Variants in SASH1 observed in about 807,000 individuals in gnomAD.
The protein encoded by SASH1 is SAM and SH3 domain-containing protein 1.
Under a neutral mutation model 125.2 loss-of-function variants are expected in SASH1, and 44 were observed. The ratio of observed to expected loss-of-function variants is 0.35; its 90% CI spans 0.28 to 0.45. The LOEUF (loss-of-function observed/expected upper bound fraction) is 0.45, where lower values mean the gene tolerates loss of function less well. Ranked by LOEUF, SASH1 falls within the 20% of genes least tolerant of loss-of-function variation. The pLI, the probability that SASH1 is intolerant of heterozygous loss-of-function variation, is 1.00. For missense variants in SASH1, 1,426 were observed against 1,614.5 expected (o/e 0.88, Z 2.00); for synonymous variants, 639 against 649.1 (o/e 0.98, Z 0.24).
intron 1 of SASH1, among the ~76,000 whole-genome samples, chr6:148,290,158 G>A (rs74301759): frequency 0.052 from 7,770 of 150,356 alleles, 419 homozygotes; most frequent in East Asian, 0.27. Flanking sequence ...GAGAGCCACC[G>A]TACCCAGCTT....
intron 2 of SASH1, among the ~76,000 whole-genome samples, chr6:148,430,776 C>A (rs1380996254): frequency 6.6e-6 from 1 of 152,182 alleles, no homozygotes; most frequent in African/African-American, 2.4e-5. Flanking sequence ...AGCAGGTTCC[C>A]AGGTGATGCT....
intron 2 of SASH1, among the ~76,000 whole-genome samples, chr6:148,393,092 G>A (rs1407098922): frequency 6.9e-6 from 1 of 145,350 alleles, no homozygotes; most frequent in East Asian, 2.0e-4. Flanking sequence ...TGTTGCCCAG[G>A]CTGGAGTGCA....
chr6:148,440,048 T>C, intron 2 of SASH1, 136 bp from the exon 3 acceptor site: 1 of 707,120 alleles, frequency 1.4e-6, no homozygotes, highest in South Asian at 1.8e-5. Flanking sequence ...AGAAAATCTG[T>C]TTATCTCTGC....
chr6:148,248,981 T>C, the SASH1 span, among the ~76,000 whole-genome samples: 1 of 152,224 alleles, frequency 6.6e-6, no homozygotes, highest in Admixed American at 6.5e-5. Context: ...TTTTACATAC[T>C]GAGAAAACAT....
At chr6:148,368,955 T>G (rs1782599878) in intron 1 of SASH1, among the ~76,000 whole-genome samples, 1 of 152,216 alleles carries the variant, frequency 6.6e-6, no homozygotes, top group African/African-American at 2.4e-5. Context: ...TGTGGGAAGT[T>G]GCATGCTGTC....
In SASH1 at chr6:148,343,237, G is replaced by A; in HGVS notation, c.156+14G>A. 1 of 1,581,206 alleles carries A rather than the reference G, an allele frequency of 6.3e-7. No individual in the cohort carries two copies. The highest frequency in any genetic ancestry group is 1.1e-5 in the South Asian group (1 of 89,330). ...ATGGGTATCCTGGTAAGTTACCTGG[G>A]GAGGGGGCGGCGCAGGAAGTACAGT... On this transcript the variant is annotated intron_variant, in intron 1 of 19. Transcript: ENST00000367467.
intron 1 of SASH1, among the ~76,000 whole-genome samples, chr6:148,375,928 A>G (rs980297296): frequency 2.0e-5 from 3 of 152,146 alleles, no homozygotes; most frequent in African/African-American, 7.2e-5. Context: ...ATTGGCCTGG[A>G]GTTCAAGGAG....
the SASH1 span, among the ~76,000 whole-genome samples, chr6:148,257,167 G>A: frequency 6.6e-6 from 1 of 152,118 alleles, no homozygotes; most frequent in Non-Finnish European, 1.5e-5. Context: ...CAGAAGCATG[G>A]AGTTCAGGGC....
intron 8 of SASH1, among the ~76,000 whole-genome samples, chr6:148,499,357 A>G (rs1440302128): frequency 1.3e-5 from 2 of 152,178 alleles, no homozygotes; most frequent in East Asian, 3.8e-4. Flanking sequence ...TCACATAATT[A>G]GTTTATAAAA....
At chr6:148,248,843 A>ACTAC in the SASH1 span, among the ~76,000 whole-genome samples, 168 of 152,366 alleles carry the variant, frequency 1.1e-3, no homozygotes, top group African/African-American at 3.9e-3. Context: ...TGTTGGTAGA[A>ACTAC]CTACCTTCTT....
the SASH1 span, among the ~76,000 whole-genome samples, chr6:148,237,888 C>G: frequency 6.6e-6 from 1 of 152,178 alleles, no homozygotes; most frequent in Non-Finnish European, 1.5e-5. Flanking sequence ...CCTTGCTGTT[C>G]CTGCTTTATG....
At chr6:148,274,326 C>T (rs1779134092) in intron 1 of SASH1, among the ~76,000 whole-genome samples, 1 of 152,174 alleles carries the variant, frequency 6.6e-6, no homozygotes, top group Admixed American at 6.5e-5. Context: ...GTTTCAGAAA[C>T]AATACGTTCA....
Position 148,291,450 on chromosome 6 carries a change from G to A in SASH1, n.74+19073G>A, listed in dbSNP as rs1779630098. Among the ~76,000 whole-genome samples the A allele has an allele frequency of 2.0e-5, 3 of 152,232 alleles. No individual in the cohort carries two copies. The South Asian group carries it at 6.2e-4, about 32-fold the overall frequency. On this transcript the variant is annotated intron_variant and non_coding_transcript_variant, in intron 1 of 3. Coordinates refer to the SASH1 transcript ENST00000367469. The stretch of plus-strand genomic sequence containing the variant: ...AATCCCAGGACTTTGAGATGCCAAG[G>A]TGGGCAGATCACTTGAGGTCAGGAG...
At chr6:148,198,108 C>G in the SASH1 span, among the ~76,000 whole-genome samples, 3 of 152,196 alleles carry the variant, frequency 2.0e-5, no homozygotes, top group Non-Finnish European at 4.4e-5. Flanking sequence ...CCTCAGCCTC[C>G]CAAAGTGCTG....
At chr6:148,365,387 T>G (rs1456775280) in intron 1 of SASH1, among the ~76,000 whole-genome samples, 1 of 151,564 alleles carries the variant, frequency 6.6e-6, no homozygotes, top group Non-Finnish European at 1.5e-5. Context: ...ATTTTTTGTT[T>G]TATTGGATCA....
intron 1 of SASH1, among the ~76,000 whole-genome samples, chr6:148,372,707 GTTCATTCATTCA>G (rs34864667): frequency 1.3e-4 from 20 of 151,060 alleles, no homozygotes; most frequent in South Asian, 2.1e-4. Flanking sequence ...CCATTTGTTC[GTTCATTCATTCA>G]TTCATTCATT....
At chr6:148,301,216 C>T (rs930886309) in intron 1 of SASH1, among the ~76,000 whole-genome samples, 1 of 150,820 alleles carries the variant, frequency 6.6e-6, no homozygotes, top group Non-Finnish European at 1.5e-5. Flanking sequence ...ATCCCAGCTA[C>T]TCAGGAGGCT....
intron 6 of SASH1, among the ~76,000 whole-genome samples, chr6:148,471,738 G>T (rs1725190708): frequency 6.6e-6 from 1 of 152,126 alleles, no homozygotes; most frequent in Non-Finnish European, 1.5e-5. Flanking sequence ...TCCTTTCATA[G>T]ATCTGACAGC....
chr6:148,527,617 A>T (rs1781260626), intron 12 of SASH1, 21 bp downstream of exon 12: 1 of 1,588,020 alleles, frequency 6.3e-7, no homozygotes. Flanking sequence ...ACCTGGTAGA[A>T]TGTTCCCTTG....
Sources: gnomAD v4.1 joint callset for allele counts (sites outside exome capture counted in the v4.1 genomes callset) on GRCh38, gnomAD v4.1.1 for gene constraint, MANE v1.5 for transcripts, NCBI Gene and HGNC (gene_info 2026-07-23, HGNC 2026-07-21) for gene names.